The following CDH4 variants were observed in gnomAD, a reference collection of about 807,000 sequenced individuals.
CDH4 encodes cadherin-4.
Under a neutral mutation model 86.0 loss-of-function variants are expected in CDH4, and 33 were observed. The ratio of observed to expected loss-of-function variants is 0.38; its 90% confidence interval spans 0.29 to 0.51. The LOEUF (loss-of-function observed/expected upper bound fraction) is 0.51. Ranked by LOEUF, CDH4 falls within the 20% of genes least tolerant of loss-of-function variation. CDH4 has a pLI of 0.86. For synonymous variants in CDH4, 555 were observed against 549.4 expected (o/e 1.01, Z -0.14); for missense variants, 1,114 against 1,307.4 (o/e 0.85, Z 2.28).
chr20:61,691,286 CAT>C (rs2087650152), intron 2 of CDH4, among the ~76,000 whole-genome samples: 1 of 151,762 alleles, frequency 6.6e-6, no homozygotes, highest in East Asian at 1.9e-4. Flanking sequence ...TGTGCGTGTG[CAT>C]ATGTGTGTGT....
intron 2 of CDH4, among the ~76,000 whole-genome samples, chr20:61,319,084 G>A (rs942898471): frequency 1.3e-5 from 2 of 152,202 alleles, no homozygotes; most frequent in African/African-American, 4.8e-5. Flanking sequence ...CGCTTGCCCT[G>A]TAGCTGCCAA....
chr20:61,335,228 G>T (rs776471468), intron 2 of CDH4, among the ~76,000 whole-genome samples: 1 of 152,208 alleles, frequency 6.6e-6, no homozygotes, highest in African/African-American at 2.4e-5. Context: ...GCCAGCAGTC[G>T]TCCCTGTGTT....
At chr20:61,460,256 G>A (rs1219527809) in intron 2 of CDH4, among the ~76,000 whole-genome samples, 1 of 152,170 alleles carries the variant, frequency 6.6e-6, no homozygotes, top group Non-Finnish European at 1.5e-5. Flanking sequence ...CCCTTCCTAA[G>A]GAAGGGAAAC....
chr20:61,834,724 A>AGTCCTG (rs71195404), intron 4 of CDH4, among the ~76,000 whole-genome samples: 65,032 of 151,826 alleles, frequency 0.43, 16,582 homozygotes, highest in Non-Finnish European at 0.58. Context: ...CTATCCCCGC[A>AGTCCTG]GCCTCACGGG....
intron 2 of CDH4, among the ~76,000 whole-genome samples, chr20:61,371,959 G>GTAA (rs1379070558): frequency 3.3e-5 from 5 of 152,186 alleles, no homozygotes; most frequent in African/African-American, 9.7e-5. Context: ...ATGACCCAGA[G>GTAA]TAATGTTTAA....
chr20:61,589,142 A>C (rs1354828583), intron 2 of CDH4, among the ~76,000 whole-genome samples: 1 of 152,178 alleles, frequency 6.6e-6, no homozygotes, highest in Non-Finnish European at 1.5e-5. Flanking sequence ...ATTTTTCCTC[A>C]TAACTTTAAA....
chr20:61,797,461 TCAAAA>T (rs1979591763), intron 4 of CDH4, among the ~76,000 whole-genome samples: 1 of 152,122 alleles, frequency 6.6e-6, no homozygotes. Context: ...TGGGGTTGTA[TCAAAA>T]CAAAACAAAA....
At chr20:61,456,276 A>C (rs1439147067) in intron 2 of CDH4, among the ~76,000 whole-genome samples, 1 of 152,234 alleles carries the variant, frequency 6.6e-6, no homozygotes, top group Non-Finnish European at 1.5e-5. Context: ...ACTGCTAAAT[A>C]GAATGTGTTG....
intron 2 of CDH4, among the ~76,000 whole-genome samples, chr20:61,722,684 C>T (rs1000898135): frequency 6.6e-6 from 1 of 150,710 alleles, no homozygotes; most frequent in Admixed American, 6.6e-5. Flanking sequence ...ACCAGCATCA[C>T]GCTCTGCTCT....
intron 2 of CDH4, among the ~76,000 whole-genome samples, chr20:61,271,857 G>C (rs919293177): frequency 1.3e-5 from 2 of 152,106 alleles, no homozygotes; most frequent in Non-Finnish European, 2.9e-5. Context: ...CCAAGATTCT[G>C]TTTTCGGGGA....
At chr20:61,502,030 T>C (rs770229022) in intron 2 of CDH4, among the ~76,000 whole-genome samples, 4 of 151,304 alleles carry the variant, frequency 2.6e-5, no homozygotes, top group Non-Finnish European at 5.9e-5. Context: ...TTTCCAAGAC[T>C]GATGGCATTG....
chr20:61,867,832 G>T (rs1197797033), intron 6 of CDH4, among the ~76,000 whole-genome samples: 2 of 152,198 alleles, frequency 1.3e-5, no homozygotes, highest in African/African-American at 4.8e-5. Flanking sequence ...TTCCACGGGG[G>T]AGTGGGTGCG....
chr20:61,482,252 A>T (rs140207221), intron 2 of CDH4, among the ~76,000 whole-genome samples: 73 of 152,364 alleles, frequency 4.8e-4, no homozygotes, highest in African/African-American at 1.7e-3. Context: ...TCCTGGCATG[A>T]ATTCCTGCAA....
intron 2 of CDH4, among the ~76,000 whole-genome samples, chr20:61,482,813 C>T (rs952396741): frequency 4.6e-5 from 7 of 152,190 alleles, no homozygotes; most frequent in Non-Finnish European, 1.0e-4. Context: ...GATGGAGCAC[C>T]TGCCACATGC....
At chr20:61,568,060 C>T (rs906771250) in intron 2 of CDH4, among the ~76,000 whole-genome samples, 1 of 152,140 alleles carries the variant, frequency 6.6e-6, no homozygotes, top group Non-Finnish European at 1.5e-5. Context: ...TTGTTAATTA[C>T]TTTTTTATGG....
intron 6 of CDH4, among the ~76,000 whole-genome samples, chr20:61,855,570 C>T (rs1036237520): frequency 1.3e-5 from 2 of 152,188 alleles, no homozygotes; most frequent in South Asian, 2.1e-4. Flanking sequence ...TATTTAAAGG[C>T]GCCTGGATTT....
intron 2 of CDH4, among the ~76,000 whole-genome samples, chr20:61,271,992 G>A (rs1348730881): frequency 6.6e-6 from 1 of 152,186 alleles, no homozygotes; most frequent in African/African-American, 2.4e-5. Flanking sequence ...AGAGAGCGGG[G>A]GACCGGGAGG....
chr20:61,806,590 G>C (rs574883969), intron 4 of CDH4, among the ~76,000 whole-genome samples: 2 of 151,434 alleles, frequency 1.3e-5, no homozygotes, highest in African/African-American at 4.9e-5. Flanking sequence ...CACACATGCA[G>C]TACCATCGGA....
At chr20:61,302,964 T>C (rs528148811) in intron 2 of CDH4, among the ~76,000 whole-genome samples, 10 of 152,222 alleles carry the variant, frequency 6.6e-5, no homozygotes, top group African/African-American at 1.9e-4. Context: ...ATAACACAGG[T>C]GCCTCCAGAG....
Sources: gnomAD v4.1 joint callset for allele counts (sites outside exome capture counted in the v4.1 genomes callset) on GRCh38, gnomAD v4.1.1 for gene constraint, MANE v1.5 for transcripts, NCBI Gene and HGNC (gene_info 2026-07-23, HGNC 2026-07-21) for gene names.